Variants in DIAPH2 observed in about 807,000 individuals in gnomAD.
DIAPH2 encodes the protein protein diaphanous homolog 2.
A neutral mutation model predicts 92.7 loss-of-function variants in DIAPH2; 35 were observed. The ratio of observed to expected loss-of-function variants is 0.38; its 90% CI spans 0.29 to 0.50. The LOEUF (loss-of-function observed/expected upper bound fraction) is 0.50. Among genes scored for constraint, DIAPH2 ranks in the 20% least tolerant of loss-of-function variants. The probability of loss-of-function intolerance (pLI) is 0.94; values close to 1 mark genes in which losing one functional copy is unlikely to be tolerated. For missense variants in DIAPH2, 701 were observed against 819.5 expected (o/e 0.86, Z 1.77); for synonymous variants, 301 against 280.4 (o/e 1.07, Z -0.73).
intron 26 of DIAPH2, among the ~76,000 whole-genome samples, chrX:97,501,805 A>G (rs1391315838): frequency 2.7e-5 from 3 of 111,410 alleles, no homozygotes; most frequent in African/African-American, 9.8e-5. Context: ...ATTTTATTTT[A>G]TTATTTTTTA....
chrX:96,983,787 C>T (rs1298852206), intron 17 of DIAPH2, among the ~76,000 whole-genome samples: 2 of 111,441 alleles, frequency 1.8e-5, no homozygotes, highest in African/African-American at 6.5e-5. Context: ...TTCCTCCAAC[C>T]CTCAGAGACA....
intron 26 of DIAPH2, among the ~76,000 whole-genome samples, chrX:97,514,438 CT>C (rs1319742117): frequency 1.8e-5 from 2 of 113,006 alleles, no homozygotes; most frequent in Non-Finnish European, 1.9e-5. Context: ...TTTTCAACTT[CT>C]TTGCCTTTGG....
At chrX:97,506,693 A>T (rs914663315) in intron 26 of DIAPH2, among the ~76,000 whole-genome samples, 2 of 110,495 alleles carry the variant, frequency 1.8e-5, no homozygotes, top group Admixed American at 9.7e-5. Flanking sequence ...GTGTCACGTT[A>T]TTTGGTCATT....
intron 26 of DIAPH2, among the ~76,000 whole-genome samples, chrX:97,473,563 C>T (rs2070580602): frequency 9.0e-6 from 1 of 111,636 alleles, no homozygotes; most frequent in Non-Finnish European, 1.9e-5. Context: ...TCTTGAACTC[C>T]TGACCTCGTG....
intron 20 of DIAPH2, among the ~76,000 whole-genome samples, chrX:97,106,686 C>G (rs2066943259): frequency 9.0e-6 from 1 of 110,862 alleles, no homozygotes; most frequent in Admixed American, 9.6e-5. Context: ...GTAATCCCAA[C>G]ACTTTGAGAG....
rs779381421 is a variant in DIAPH2, at chrX:96,706,482, G to A, written c.132+21292G>A. Among the ~76,000 whole-genome samples the A allele has an allele frequency of 1.8e-3, 197 of 112,163 alleles. 8 individuals carry two copies. Among genetic ancestry groups the A allele is most frequent in the Non-Finnish European group, 7.1e-4 (38 of 53,296 alleles). Reference sequence around the variant, plus strand: ...CGGCAGTGGTACTAGGGATGGAGAAGAGGAGGAAGATTAGGATTTAGAAGC... The same window carrying A: ...CGGCAGTGGTACTAGGGATGGAGAAAAGGAGGAAGATTAGGATTTAGAAGC... On this transcript the variant is annotated intron_variant, in intron 1 of 26. Transcript: ENST00000324765.
intron 22 of DIAPH2, among the ~76,000 whole-genome samples, chrX:97,173,812 G>A (rs1175875994): frequency 9.2e-6 from 1 of 109,232 alleles, no homozygotes; most frequent in Non-Finnish European, 1.9e-5. Flanking sequence ...GGAGGCTGAG[G>A]TGTGAGGATC....
At chrX:96,920,227 T>A (rs766592791) in intron 9 of DIAPH2, among the ~76,000 whole-genome samples, 1 of 111,478 alleles carries the variant, frequency 9.0e-6, no homozygotes, top group African/African-American at 3.3e-5. Context: ...TTATAAAATT[T>A]AATCTTGATA....
rs199879345 is a variant in DIAPH2 at position 97,234,348 on chromosome X, AG to A, written c.2720-13366del. ...CTCCATCTCAAAAAAAAAAAAAAAA[AG>A]AAAAAAAGAAATCCAGAGGCCTGGT... On this transcript the variant is annotated intron_variant, in intron 22 of 26. Transcript: ENST00000324765. Among the ~76,000 whole-genome samples, 514 of 104,449 alleles carry A rather than the reference AG, an allele frequency of 4.9e-3. 37 individuals are homozygous for A. Among genetic ancestry groups the A allele is most frequent in the Admixed American group, 0.023 (212 of 9,341 alleles). The allele number at this position is 104,449 out of a possible 115,157, so 90.7% of individuals were successfully genotyped here. A position where few individuals can be genotyped will look rare whatever the true frequency, so the allele number is the denominator to read the frequency against.
chrX:97,429,547 A>T (rs2070105095), intron 25 of DIAPH2, 103 bp from the exon 26 acceptor site: 1 of 1,038,134 alleles, frequency 9.6e-7, no homozygotes, highest in Non-Finnish European at 1.3e-6. Context: ...TATGTCTTTA[A>T]TTTAGGGGTA....
chrX:96,855,953 A>G (rs975319023), intron 4 of DIAPH2, among the ~76,000 whole-genome samples: 2 of 112,188 alleles, frequency 1.8e-5, no homozygotes, highest in African/African-American at 6.5e-5. Flanking sequence ...AATTTTATTT[A>G]AAATGAAGCT....
intron 4 of DIAPH2, among the ~76,000 whole-genome samples, chrX:96,842,942 C>T (rs1602558053): frequency 1.8e-5 from 2 of 111,782 alleles, no homozygotes; most frequent in African/African-American, 6.5e-5. Context: ...TTAATGTTTC[C>T]ATTCACCTGT....
At chrX:97,009,595 C>T (rs1246821885) in intron 17 of DIAPH2, among the ~76,000 whole-genome samples, 1 of 112,609 alleles carries the variant, frequency 8.9e-6, no homozygotes, top group African/African-American at 3.2e-5. Context: ...TATTTCCTGG[C>T]TACCACTGCT....
chrX:96,687,483 T>A (rs1369539547), intron 1 of DIAPH2, among the ~76,000 whole-genome samples: 1 of 109,041 alleles, frequency 9.2e-6, no homozygotes, highest in East Asian at 2.9e-4. Context: ...TCTGTTGCCA[T>A]GGCTGGAGTC....
rs186428195 is a variant in DIAPH2, at chrX:97,309,131, C to G, written c.2845-38985C>G. Among the ~76,000 whole-genome samples the G allele has an allele frequency of 4.1e-3, 451 of 108,823 alleles. 3 individuals carry two copies. Among genetic ancestry groups the G allele is most frequent in the African/African-American group, 0.013 (394 of 30,336 alleles). 94.5% of individuals were successfully genotyped at this position (108,823 alleles called of 115,157 possible). On this transcript the variant is annotated intron_variant, in intron 23 of 26. Coordinates refer to ENST00000324765, the MANE Select transcript of DIAPH2 (RefSeq NM_006729.5). ...TTATTTTTTTTTTGAGACGGAGTCT[C>G]GCTGTGTCATCCAGGCTGAAGTGCA...
chrX:96,766,760 G>A (rs1368253246), intron 4 of DIAPH2, among the ~76,000 whole-genome samples: 2 of 112,165 alleles, frequency 1.8e-5, no homozygotes, highest in East Asian at 2.8e-4. Context: ...CTAGGAGGTC[G>A]GCATGGGCCT....
intron 19 of DIAPH2, among the ~76,000 whole-genome samples, chrX:97,090,298 C>CTTTTTTTTTTTTTTTTTTTTTTTT (rs760073834): frequency 2.6e-5 from 1 of 38,861 alleles, no homozygotes; most frequent in African/African-American, 9.5e-5. Context: ...TCTCTGATCC[C>CTTTTTTTTTTTTTTTTTTTTTTTT]TTTTTTTTTT....
chrX:97,400,771 T>G (rs1256598254), intron 25 of DIAPH2, among the ~76,000 whole-genome samples: 2 of 112,150 alleles, frequency 1.8e-5, no homozygotes. Flanking sequence ...ATGCAGTATT[T>G]GTTTTTGTGT....
intron 25 of DIAPH2, among the ~76,000 whole-genome samples, chrX:97,401,933 G>T (rs1187240729): frequency 8.9e-6 from 1 of 112,473 alleles, no homozygotes; most frequent in African/African-American, 3.2e-5. Flanking sequence ...TTAAATATTA[G>T]AACTGAGTCA....
Sources: gnomAD v4.1 joint callset for allele counts (sites outside exome capture counted in the v4.1 genomes callset) on GRCh38, gnomAD v4.1.1 for gene constraint, MANE v1.5 for transcripts, NCBI Gene and HGNC (gene_info 2026-07-23, HGNC 2026-07-21) for gene names.